TACC1: variants seen among roughly 807,000 people sequenced by gnomAD.
The protein encoded by TACC1 is transforming acidic coiled-coil containing protein 1, also known as transforming acidic coiled-coil-containing protein 1.
Under a neutral mutation model 84.4 loss-of-function variants are expected in TACC1, and 48 were observed. That is an observed-to-expected ratio of 0.57 (90% CI 0.45 to 0.72). The LOEUF is 0.72. Ranked by LOEUF, TACC1 falls within the 30% of genes least tolerant of loss-of-function variation. The pLI is 0.00. For missense variants in TACC1, 920 were observed against 973.0 expected (o/e 0.95, Z 0.72); for synonymous variants, 372 against 376.3 (o/e 0.99, Z 0.13).
intron 5 of TACC1, among the ~76,000 whole-genome samples, chr8:38,830,692 G>A (rs1011236175): frequency 6.6e-6 from 1 of 152,184 alleles, no homozygotes; most frequent in Non-Finnish European, 1.5e-5. Context: ...GAATTTTAAA[G>A]CTTATTATCT....
chr8:38,731,913 A>G (rs1805005251), intron 1 of TACC1, among the ~76,000 whole-genome samples: 1 of 152,148 alleles, frequency 6.6e-6, no homozygotes, highest in Non-Finnish European at 1.5e-5. Context: ...GGAGTTTGAG[A>G]CCAGCCTGGC....
chr8:38,736,128 G>A (rs968455406), intron 1 of TACC1, among the ~76,000 whole-genome samples: 2 of 152,102 alleles, frequency 1.3e-5, no homozygotes, highest in Admixed American at 6.6e-5. Context: ...GTTGACCTCC[G>A]TGGTGACACT....
In TACC1 at chr8:38,849,622, A is replaced by G. The variant is rs1160030127; in HGVS notation, c.*1599A>G. ...ATTATTCTTTAGCAGTGTATTACTC[A>G]CATGGGTGCAATCTTTAGCCCCAGG... On this transcript the variant is annotated 3_prime_UTR_variant, in exon 13 of 13. Coordinates refer to ENST00000317827, the MANE Select transcript of TACC1 (RefSeq NM_006283.3). 6.6e-6 allele frequency: 1 copy of G among 152,370 alleles called. No homozygotes were observed. The highest frequency in any genetic ancestry group is 1.5e-5 in the Non-Finnish European group (1 of 68,044). The allele number at this position is 152,370 out of a possible 1,614,324, so 9.4% of individuals were successfully genotyped here. A position where few individuals can be genotyped will look rare whatever the true frequency, so the allele number is the denominator to read the frequency against.
intron 2 of TACC1, among the ~76,000 whole-genome samples, chr8:38,803,947 A>G (rs907287403): frequency 2.0e-5 from 3 of 152,194 alleles, no homozygotes; most frequent in Non-Finnish European, 4.4e-5. Flanking sequence ...TTTTAGATTC[A>G]TTCAGATTTT....
At chr8:38,735,307 C>T (rs1265947447) in intron 1 of TACC1, among the ~76,000 whole-genome samples, 1 of 152,170 alleles carries the variant, frequency 6.6e-6, no homozygotes, top group Non-Finnish European at 1.5e-5. Context: ...TGAAACCAAA[C>T]TGGTTGTGTG....
At chr8:38,748,955 A>G (rs1239549380) in intron 3 of TACC1, among the ~76,000 whole-genome samples, 1 of 152,130 alleles carries the variant, frequency 6.6e-6, no homozygotes, top group Admixed American at 6.5e-5. Flanking sequence ...ACAGACATCA[A>G]TGAATTAGAG....
intron 10 of TACC1, among the ~76,000 whole-genome samples, 176 bp from the exon 11 acceptor site, chr8:38,843,113 T>C (rs539281757): frequency 6.6e-6 from 1 of 152,228 alleles, no homozygotes; most frequent in African/African-American, 2.4e-5. Context: ...GAAGACATTA[T>C]GTAGAATTTC....
At chr8:38,837,579 C>G (rs898237341) in intron 7 of TACC1, among the ~76,000 whole-genome samples, 3 of 152,206 alleles carry the variant, frequency 2.0e-5, no homozygotes, top group Admixed American at 1.3e-4. Flanking sequence ...GCACGCACCA[C>G]TGTCCCTGGC....
Position 38,788,120 on chromosome 8 carries a change from C to A in TACC1, c.161+377C>A, listed in dbSNP as rs894649567. The A allele has an allele frequency of 3.7e-5, 8 of 217,458 alleles. No homozygotes were observed. The Admixed American group carries it at 4.0e-4, about 11-fold the overall frequency. The allele number at this position is 217,458 out of a possible 1,614,324, so 13.5% of individuals were successfully genotyped here. A position where few individuals can be genotyped will look rare whatever the true frequency, so the allele number is the denominator to read the frequency against. Reference sequence around the variant, plus strand: ...CGTGGGGAAGAAGTCGCTCCCCGGCCCTTCCCGGGGCCCTACCGTGTACCC... The same window carrying A: ...CGTGGGGAAGAAGTCGCTCCCCGGCACTTCCCGGGGCCCTACCGTGTACCC... On this transcript the variant is annotated intron_variant, in intron 1 of 12. Coordinates refer to ENST00000317827, the MANE Select transcript of TACC1 (RefSeq NM_006283.3).
At chr8:38,776,358 A>T (rs2151918091) in intron 3 of TACC1, among the ~76,000 whole-genome samples, 1 of 152,336 alleles carries the variant, frequency 6.6e-6, no homozygotes, top group East Asian at 1.9e-4. Flanking sequence ...TCCACGGGGC[A>T]GGCTTGAGTC....
chr8:38,788,878 A>G, intron 2 of TACC1, 59 bp downstream of exon 2: 1 of 1,373,708 alleles, frequency 7.3e-7, no homozygotes, highest in Non-Finnish European at 1.0e-6. Context: ...GAAAAATATC[A>G]ATGAAGGAAG....
chr8:38,749,236 G>T (rs1302941500), intron 3 of TACC1, among the ~76,000 whole-genome samples: 3 of 152,114 alleles, frequency 2.0e-5, no homozygotes, highest in African/African-American at 2.4e-5. Flanking sequence ...GAAATAGAAA[G>T]CTTGAACAGC....
upstream of TACC1, among the ~76,000 whole-genome samples, chr8:38,783,041 C>T (rs531935690): frequency 6.6e-5 from 10 of 151,086 alleles, no homozygotes; most frequent in East Asian, 1.9e-3. Flanking sequence ...AGAACTGGCT[C>T]TTCAATGACA....
chr8:38,774,774 A>AGGC (rs1362893141), intron 3 of TACC1, among the ~76,000 whole-genome samples: 2 of 152,290 alleles, frequency 1.3e-5, no homozygotes, highest in African/African-American at 4.8e-5. Flanking sequence ...GCACTTTGGG[A>AGGC]GGCCGAGGCG....
intron 2 of TACC1, among the ~76,000 whole-genome samples, chr8:38,800,899 T>C (rs1278999148): frequency 6.6e-6 from 1 of 152,254 alleles, no homozygotes; most frequent in Non-Finnish European, 1.5e-5. Flanking sequence ...CCATATCCTC[T>C]CCAACACTTC....
intron 3 of TACC1, among the ~76,000 whole-genome samples, chr8:38,779,769 G>A (rs1401114094): frequency 6.6e-6 from 1 of 152,210 alleles, no homozygotes; most frequent in Non-Finnish European, 1.5e-5. Flanking sequence ...TCCTTGCTAA[G>A]CCTCTGCTGT....
chr8:38,808,438 G>A (rs1438692311), intron 2 of TACC1, among the ~76,000 whole-genome samples: 1 of 152,110 alleles, frequency 6.6e-6, no homozygotes, highest in Non-Finnish European at 1.5e-5. Flanking sequence ...CATTTCCCAG[G>A]GACTTGCTCT....
upstream of TACC1, among the ~76,000 whole-genome samples, chr8:38,783,425 C>CTT (rs781284271): frequency 4.5e-4 from 63 of 141,556 alleles, no homozygotes; most frequent in African/African-American, 1.4e-3. Context: ...AGAGTATTTT[C>CTT]TTTTTTTTTT....
chr8:38,785,597 A>G (rs1331164592), upstream of TACC1: 2 of 680,580 alleles, frequency 2.9e-6, no homozygotes, highest in Non-Finnish European at 3.6e-6. Context: ...GAATGAAAAG[A>G]TAAGAGAACT....
Sources: gnomAD v4.1 joint callset for allele counts (sites outside exome capture counted in the v4.1 genomes callset) on GRCh38, gnomAD v4.1.1 for gene constraint, MANE v1.5 for transcripts, NCBI Gene and HGNC (gene_info 2026-07-23, HGNC 2026-07-21) for gene names.